SLC24A2: variants seen among roughly 807,000 people sequenced by gnomAD.
SLC24A2 encodes sodium/potassium/calcium exchanger 2.
Under a neutral mutation model 62.0 loss-of-function variants are expected in SLC24A2, and 36 were observed. That is an observed-to-expected ratio of 0.58 (90% CI 0.44 to 0.77). SLC24A2 has a LOEUF of 0.77. Ranked by LOEUF, SLC24A2 falls within the 30% of genes least tolerant of loss-of-function variation. The pLI is 0.00. For missense variants in SLC24A2, 846 were observed against 817.9 expected, an observed-to-expected ratio of 1.03 and a Z score of -0.42; for synonymous variants, 358 against 294.0, an observed-to-expected ratio of 1.22 and a Z score of -2.23.
chr9:19,573,529 C>CACACAGAGAG lies in SLC24A2; in HGVS notation c.1229-61_1229-60insCTCTCTGTGT, dbSNP rs1390433234. The CACACAGAGAG allele has an allele frequency of 1.0e-4, 44 of 432,616 alleles. No individual in the cohort carries two copies. The East Asian group carries it at 1.4e-3, about 13-fold the overall frequency. The allele number at this position is 432,616 out of a possible 1,614,324, so 26.8% of individuals were successfully genotyped here. A position where few individuals can be genotyped will look rare whatever the true frequency, so the allele number is the denominator to read the frequency against. On this transcript the variant is annotated intron_variant, in intron 6 of 10. Transcript: ENST00000341998. ...ACACACACACACACACACACACACA[C>CACACAGAGAG]AGAGAGAGAGAGAGAGAGAGAGAGA...
At chr9:19,934,348 T>G in the SLC24A2 span, among the ~76,000 whole-genome samples, 1 of 152,134 alleles carries the variant, frequency 6.6e-6, no homozygotes, top group Non-Finnish European at 1.5e-5. The surrounding 1 kb of genome is among the most constrained non-coding windows in gnomAD (Gnocchi z 4.1). Context: ...TGGCTTCATG[T>G]CTCAGCGTCG....
At chr9:19,782,499 C>T (rs554349381) in intron 2 of SLC24A2, among the ~76,000 whole-genome samples, 33 of 152,146 alleles carry the variant, frequency 2.2e-4, no homozygotes, top group African/African-American at 7.5e-4. Flanking sequence ...AATGTTTGAC[C>T]CATTTATATT....
chr9:19,820,039 A>ATATATATATGTG, the SLC24A2 span, among the ~76,000 whole-genome samples: 1 of 20,670 alleles, frequency 4.8e-5, no homozygotes, highest in Non-Finnish European at 3.5e-4. Flanking sequence ...ATATATATAT[A>ATATATATATGTG]TACATATATA....
chr9:19,753,499 C>T (rs1012525445), intron 2 of SLC24A2, among the ~76,000 whole-genome samples: 3 of 152,144 alleles, frequency 2.0e-5, no homozygotes, highest in Non-Finnish European at 4.4e-5. Flanking sequence ...CAGACTGGCA[C>T]AAAACTAATC....
chr9:19,799,417 A>G, the SLC24A2 span, among the ~76,000 whole-genome samples: 1 of 152,032 alleles, frequency 6.6e-6, no homozygotes, highest in South Asian at 2.1e-4. Flanking sequence ...GTGTTTATCT[A>G]TTTGGTAGAA....
At chr9:19,753,470 C>G (rs1281488234) in intron 2 of SLC24A2, among the ~76,000 whole-genome samples, 2 of 152,184 alleles carry the variant, frequency 1.3e-5, no homozygotes, top group African/African-American at 4.8e-5. Context: ...CATTTTCATA[C>G]AGTTGGGTGC....
At chr9:19,540,591 G>A (rs1834202765) in intron 8 of SLC24A2, among the ~76,000 whole-genome samples, 1 of 147,098 alleles carries the variant, frequency 6.8e-6, no homozygotes, top group African/African-American at 2.6e-5. Flanking sequence ...AGTCTGATGG[G>A]CTTTCCTTTG....
the SLC24A2 span, among the ~76,000 whole-genome samples, chr9:19,805,851 C>G: frequency 1.4e-5 from 2 of 143,422 alleles, no homozygotes; most frequent in East Asian, 2.0e-4. Context: ...AAAAAAAAAG[C>G]AAACTTACTT....
the SLC24A2 span, among the ~76,000 whole-genome samples, chr9:20,176,025 G>A: frequency 6.6e-6 from 1 of 151,976 alleles, no homozygotes; most frequent in Non-Finnish European, 1.5e-5. Flanking sequence ...GTGAGGACCC[G>A]GTGAGAGAGA....
the SLC24A2 span, among the ~76,000 whole-genome samples, chr9:20,296,663 GGTGACCCACTGTGGTTTTT>G: frequency 6.6e-6 from 1 of 152,212 alleles, no homozygotes; most frequent in Non-Finnish European, 1.5e-5. Flanking sequence ...CATATGCAGT[GGTGACCCACTGTGGTTTTT>G]GTTTGCTCTC....
the SLC24A2 span, among the ~76,000 whole-genome samples, chr9:19,862,817 C>T: frequency 1.3e-4 from 19 of 151,286 alleles, no homozygotes; most frequent in African/African-American, 3.4e-4. Context: ...TGGTAATTTA[C>T]CTCAAACCAA....
At chr9:19,883,748 G>A in the SLC24A2 span, among the ~76,000 whole-genome samples, 1 of 152,038 alleles carries the variant, frequency 6.6e-6, no homozygotes, top group Non-Finnish European at 1.5e-5. Flanking sequence ...TGTATTTTTA[G>A]TAGAGTCGGG....
chr9:20,260,839 A>G, the SLC24A2 span, among the ~76,000 whole-genome samples: 1 of 104,792 alleles, frequency 9.5e-6, no homozygotes, highest in African/African-American at 4.0e-5. Flanking sequence ...AGTCCAACGT[A>G]TCATTCTTTC....
chr9:20,069,807 G>C, the SLC24A2 span, among the ~76,000 whole-genome samples: 1 of 152,082 alleles, frequency 6.6e-6, no homozygotes, highest in African/African-American at 2.4e-5. Flanking sequence ...TGTAACCAAA[G>C]TTTTCTTATA....
At chr9:19,687,747 C>T (rs1392026785) in intron 2 of SLC24A2, among the ~76,000 whole-genome samples, 1 of 152,092 alleles carries the variant, frequency 6.6e-6, no homozygotes, top group Admixed American at 6.6e-5. Context: ...CCAGTTACTA[C>T]TTTCAGCTGT....
the SLC24A2 span, among the ~76,000 whole-genome samples, chr9:20,030,784 C>A: frequency 6.6e-6 from 1 of 152,274 alleles, no homozygotes; most frequent in South Asian, 2.1e-4. Context: ...CTATTAGTAA[C>A]TATTTAGTGA....
At chr9:19,877,820 C>T in the SLC24A2 span, among the ~76,000 whole-genome samples, 26 of 152,298 alleles carry the variant, frequency 1.7e-4, no homozygotes, top group South Asian at 4.1e-3. Context: ...GTAACTGGGA[C>T]TTCTAGGTTA....
intron 5 of SLC24A2, among the ~76,000 whole-genome samples, chr9:19,584,637 AATT>A (rs1836313269): frequency 6.6e-6 from 1 of 151,998 alleles, no homozygotes; most frequent in Admixed American, 6.5e-5. Flanking sequence ...TTTTTTTTTT[AATT>A]ATTGTAAGTT....
At chr9:19,879,214 TGCTGAAACACAGG>T in the SLC24A2 span, among the ~76,000 whole-genome samples, 1 of 152,142 alleles carries the variant, frequency 6.6e-6, no homozygotes, top group African/African-American at 2.4e-5. Flanking sequence ...GAGCTAGAGA[TGCTGAAACACAGG>T]GCTGTGAGGC....
Sources: gnomAD v4.1 joint callset for allele counts (sites outside exome capture counted in the v4.1 genomes callset) on GRCh38, gnomAD v4.1.1 for gene constraint, Gnocchi (gnomAD v3.1) non-coding constraint, MANE v1.5 for transcripts, NCBI Gene and HGNC (gene_info 2026-07-23, HGNC 2026-07-21) for gene names.